MADCAM1: variants seen among roughly 807,000 people sequenced by gnomAD.
The protein encoded by MADCAM1 is mucosal addressin cell adhesion molecule 1.
In MADCAM1, 19 loss-of-function variants were observed where a neutral mutation model predicts 26.1. The observed-to-expected ratio is 0.73, with a 90% confidence interval of 0.51 to 1.07. MADCAM1 has a LOEUF of 1.07. Among genes scored for constraint, MADCAM1 ranks in the 50% least tolerant of loss-of-function variants. The pLI, the probability that MADCAM1 is intolerant of heterozygous loss-of-function variation, is 0.00. For synonymous variants in MADCAM1, 268 were observed against 260.9 expected (o/e 1.03, Z -0.26); for missense variants, 514 against 542.1 (o/e 0.95, Z 0.51).
chr19:502,492 C>A (rs938233145), intron 4 of MADCAM1, among the ~76,000 whole-genome samples: 14 of 151,836 alleles, frequency 9.2e-5, no homozygotes, highest in Non-Finnish European at 1.9e-4. Context: ...AGTAGAGATG[C>A]GGTTTCACCA....
Position 497,853 on chromosome 19 carries a change from C to A in MADCAM1, c.73C>A (p.Pro25Thr). The change falls in exon 2 of 5, where the codon CCC becomes ACC. Residue 25 changes from proline (P) to threonine (T), a missense_variant. This residue lies in a region of MADCAM1 where 317 missense variants were observed against 313.6 expected (regional missense o/e 1.01). Transcript: ENST00000215637. ...LLLGQSLQVK[P>T]LQVEPPEPVV... ...CGCAGGCCAGTCCCTCCAGGTGAAG[C>A]CCCTGCAGGTGGAGCCCCCGGAGCC... 2.3e-6 allele frequency: 3 copies of A among 1,330,128 alleles called. No homozygotes were observed. Among genetic ancestry groups the A allele is most frequent in the Non-Finnish European group, 2.9e-6 (3 of 1,047,836 alleles). The allele number at this position is 1,330,128 out of a possible 1,614,324, so 82.4% of individuals were successfully genotyped here.
rs562353132 is a variant in MADCAM1, at chr19:498,343, A to G, written c.338-153A>G. ...TATTCCAGCCTCCCAGGGTGGGGCC[A>G]CGGGGCCTGCGCACAGGCCGTCCCT... On this transcript the variant is annotated intron_variant, in intron 2 of 4. Transcript: ENST00000215637. Among the ~76,000 whole-genome samples, 566 of 151,964 alleles carry G rather than the reference A, an allele frequency of 3.7e-3. 2 individuals are homozygous for G. Among genetic ancestry groups the G allele is most frequent in the Non-Finnish European group, 5.8e-3 (394 of 67,920 alleles).
intron 3 of MADCAM1, 119 bp downstream of exon 3, chr19:498,944 T>A: frequency 7.4e-7 from 1 of 1,347,372 alleles, no homozygotes. Context: ...AGGACTGGAT[T>A]CCCCCACGCA....
chr19:498,672 G>T lies in MADCAM1; in HGVS notation c.514G>T (p.Glu172Ter). The change falls in exon 3 of 5, where the codon GAG becomes TAG. Residue 172 changes from glutamate to a stop codon, truncating the protein, a stop_gained. Coordinates refer to ENST00000215637, the MANE Select transcript of MADCAM1 (RefSeq NM_130760.3). LOFTEE classifies it high-confidence loss of function. ...QALGPEVQEEEEEPQGDEDVL... is the reference protein window; with the variant it reads ...QALGPEVQEE ...CCTGGGCCCGGAGGTGCAGGAGGAG[G>T]AGGAGGAGCCCCAGGGGGACGAGGA... 1 of 1,453,578 alleles carries T rather than the reference G, an allele frequency of 6.9e-7. No homozygotes were observed. The highest frequency in any genetic ancestry group is 2.6e-5 in the East Asian group (1 of 38,816). 90.0% of individuals were successfully genotyped at this position (1,453,578 alleles called of 1,614,324 possible).
At chr19:504,475 G>A (rs1978513094) in intron 4 of MADCAM1, among the ~76,000 whole-genome samples, 1 of 151,966 alleles carries the variant, frequency 6.6e-6, no homozygotes, top group Non-Finnish European at 1.5e-5. Context: ...GGTCAGGCTG[G>A]TCTCGAACTC....
At chr19:497,793 G>A in intron 1 of MADCAM1, 40 bp from the exon 2 acceptor site, 2 of 1,249,520 alleles carry the variant, frequency 1.6e-6, no homozygotes, top group East Asian at 3.2e-5. Flanking sequence ...GGCGGGGTCC[G>A]GGACTCCGCG....
Position 499,976 on chromosome 19 carries a change from C to T in MADCAM1, c.667+1151C>T, listed in dbSNP as rs890261548. 13 of 199,980 alleles carry T rather than the reference C, an allele frequency of 6.5e-5. No individual in the cohort carries two copies. The African/African-American group carries it at 7.6e-4, about 12-fold the overall frequency. The allele number at this position is 199,980 out of a possible 1,614,324, so 12.4% of individuals were successfully genotyped here. On this transcript the variant is annotated intron_variant, in intron 3 of 4. Coordinates refer to ENST00000215637, the MANE Select transcript of MADCAM1 (RefSeq NM_130760.3). Reference sequence around the variant, plus strand: ...GGGATAAAGCAGAAGCTGGGAGACCCGGGAGGTCTTTGTGGTGGGGGTGGG... The same window carrying T: ...GGGATAAAGCAGAAGCTGGGAGACCTGGGAGGTCTTTGTGGTGGGGGTGGG...
intron 3 of MADCAM1, chr19:500,299 G>A: frequency 2.5e-6 from 1 of 398,158 alleles, no homozygotes; most frequent in Non-Finnish European, 5.1e-6. Flanking sequence ...GGGTGATGTT[G>A]CCAGTGAGTG....
chr19:498,147 T>C lies in MADCAM1; in HGVS notation c.337+30T>C, dbSNP rs1024427344. 2.0e-5 allele frequency: 26 copies of C among 1,307,948 alleles called. No homozygotes were observed. The African/African-American group carries it at 3.9e-4, about 19-fold the overall frequency. 81.0% of individuals were successfully genotyped at this position (1,307,948 alleles called of 1,614,324 possible). A position where few individuals can be genotyped will look rare whatever the true frequency, so the allele number is the denominator to read the frequency against. On this transcript the variant is annotated intron_variant, in intron 2 of 4. Transcript: ENST00000215637. The stretch of plus-strand genomic sequence containing the variant: ...GGCGTCCCCCCGCGCCCTGCCTCTC[T>C]GACCCTTGGACTCCCGGCTCCTTCC...
At position 498,617 on chromosome 19, in the gene MADCAM1, C is replaced by A; in HGVS notation, c.459C>A (p.Val153=). 1 of 1,476,734 alleles carries A rather than the reference C, an allele frequency of 6.8e-7. No individual in the cohort carries two copies. The highest frequency in any genetic ancestry group is 1.4e-5 in the African/African-American group (1 of 69,170). The allele number at this position is 1,476,734 out of a possible 1,614,324, so 91.5% of individuals were successfully genotyped here. A position where few individuals can be genotyped will look rare whatever the true frequency, so the allele number is the denominator to read the frequency against. ...ACGCGCTCTCCTTCTCCCTGCTCGT[C>A]GGGGGCCAGGAACTGGAGGGGGCGC... ...DPNALSFSLL[V]GGQELEGAQA... Residue 153 remains valine, a synonymous_variant, in exon 3 of 5, where the codon GTC becomes GTA. Coordinates refer to ENST00000215637, the MANE Select transcript of MADCAM1 (RefSeq NM_130760.3).
At chr19:498,887 CG>C (rs1978301690) in intron 3 of MADCAM1, 62 bp downstream of exon 3, 10 of 73,932 alleles carry the variant, frequency 1.4e-4, no homozygotes, top group Non-Finnish European at 2.1e-4. Context: ...CACTTCGGGA[CG>C]GGGTGGGGGG....
At chr19:501,638 G>C in intron 3 of MADCAM1, 31 bp from the exon 4 acceptor site, 2 of 1,552,980 alleles carry the variant, frequency 1.3e-6, no homozygotes, top group Non-Finnish European at 1.7e-6. Flanking sequence ...GGGCAGCAGA[G>C]AGGAAAAAAA....
intron 1 of MADCAM1, among the ~76,000 whole-genome samples, chr19:497,538 G>A (rs1978291527): frequency 6.7e-6 from 1 of 149,014 alleles, no homozygotes. Context: ...GCTCGGAGGA[G>A]GCAGGGGCTG....
chr19:498,478 C>G lies in MADCAM1; in HGVS notation c.338-18C>G, dbSNP rs374901614. 1.0e-4 allele frequency: 151 copies of G among 1,456,706 alleles called. No homozygotes were observed. In the African/African-American group the frequency reaches 2.0e-3, roughly 19 times the overall value. 90.2% of individuals were successfully genotyped at this position (1,456,706 alleles called of 1,614,324 possible). ...CCTGACTCTGGGCTCAGCCCTCACC[C>G]CCGACCCTCCATCACAGCCTTCCCG... is the stretch of plus-strand genomic sequence containing the variant. On this transcript the variant is annotated intron_variant, in intron 2 of 4. Transcript: ENST00000215637.
intron 4 of MADCAM1, among the ~76,000 whole-genome samples, chr19:503,319 T>A (rs2392798): frequency 2.7e-5 from 4 of 146,176 alleles, no homozygotes; most frequent in South Asian, 4.3e-4. Context: ...CGGTGGCTTA[T>A]GCCTGTAATC....
intron 1 of MADCAM1, 27 bp from the exon 2 acceptor site, chr19:497,806 G>A (rs998332673): frequency 6.6e-5 from 84 of 1,266,598 alleles, no homozygotes; most frequent in Non-Finnish European, 7.7e-5. Context: ...ACTCCGCGGG[G>A]CTGAGCGAGA....
chr19:498,074 C>CG lies in MADCAM1; in HGVS notation c.299dup (p.Arg101ProfsTer29). ...GGACCCGCGTGTGCGTGGGCTCCTGCGGGGGCCGCACCTTCCAGCACACCG... is the reference window on the plus strand; with the variant it reads ...GGACCCGCGTGTGCGTGGGCTCCTGCGGGGGGCCGCACCTTCCAGCACACCG... On this transcript the variant is annotated frameshift_variant, in exon 2 of 5. Coordinates refer to ENST00000215637, the MANE Select transcript of MADCAM1 (RefSeq NM_130760.3). LOFTEE classifies it high-confidence loss of function. 2 of 1,455,614 alleles carry CG rather than the reference C, an allele frequency of 1.4e-6. No individual in the cohort carries two copies. The highest frequency in any genetic ancestry group is 1.4e-5 in the South Asian group (1 of 71,962). The allele number at this position is 1,455,614 out of a possible 1,614,324, so 90.2% of individuals were successfully genotyped here.
chr19:499,289 T>C (rs1978305362), intron 3 of MADCAM1: 1 of 459,388 alleles, frequency 2.2e-6, no homozygotes, highest in Admixed American at 2.3e-5. Context: ...TCCACGGCTC[T>C]CTCCTCCTCC....
rs1425987036 is a variant in MADCAM1 at position 498,075 on chromosome 19, G to A, written c.295G>A (p.Gly99Arg). ...GACCCGCGTGTGCGTGGGCTCCTGC[G>A]GGGGCCGCACCTTCCAGCACACCGT... ...AGTRVCVGSC[G>R]GRTFQHTVQL... Residue 99 changes from glycine (G) to arginine (R), a missense_variant, in exon 2 of 5, where the codon GGG becomes AGG. By Grantham distance (125) the Gly-to-Arg change is moderately radical. This residue lies in a region of MADCAM1 where 317 missense variants were observed against 313.6 expected (regional missense o/e 1.01). Transcript: ENST00000215637. 6 of 1,452,858 alleles carry A rather than the reference G, an allele frequency of 4.1e-6. No individual in the cohort carries two copies. The highest frequency in any genetic ancestry group is 5.1e-5 in the Admixed American group (2 of 39,120). 90.0% of individuals were successfully genotyped at this position (1,452,858 alleles called of 1,614,324 possible). A position where few individuals can be genotyped will look rare whatever the true frequency, so the allele number is the denominator to read the frequency against.
Sources: allele counts gnomAD v4.1 joint callset (sites outside exome capture counted in the v4.1 genomes callset), GRCh38; gene constraint gnomAD v4.1.1; regional missense constraint gnomAD v4.1.1; transcripts MANE v1.5; gene names NCBI Gene and HGNC (gene_info 2026-07-23, HGNC 2026-07-21).